HNRNPLL: variants seen among roughly 807,000 people sequenced by gnomAD.
HNRNPLL encodes heterogeneous nuclear ribonucleoprotein L like.
A neutral mutation model predicts 67.1 loss-of-function variants in HNRNPLL; 25 were observed. The observed-to-expected ratio is 0.37, with a 90% CI of 0.27 to 0.52. The LOEUF is 0.52. Among genes scored for constraint, HNRNPLL ranks in the 20% least tolerant of loss-of-function variants. The probability of loss-of-function intolerance (pLI) is 0.90; values close to 1 mark genes in which losing one functional copy is unlikely to be tolerated. For missense variants in HNRNPLL, 542 were observed against 673.9 expected (o/e 0.80, Z 2.17); for synonymous variants, 267 against 241.7 (o/e 1.10, Z -0.97).
chr2:38,583,810 A>G (rs1313703469), intron 4 of HNRNPLL, 31 bp downstream of exon 4: 1 of 1,009,528 alleles, frequency 9.9e-7, no homozygotes, highest in Non-Finnish European at 1.5e-6. Context: ...TATGAATTAC[A>G]CATCAATAAA....
rs751836899 is a variant in HNRNPLL, at chr2:38,585,829, T to C, written c.361A>G (p.Ile121Val). 2.5e-6 allele frequency: 4 copies of C among 1,614,014 alleles called. No individual in the cohort carries two copies. Among genetic ancestry groups the C allele is most frequent in the Non-Finnish European group, 3.4e-6 (4 of 1,179,900 alleles). ...KRQALVEFEN[I>V]DSAKECVTFA... ...GTCACACATTCTTTGGCACTATCTA[T>C]GTTTTCAAATTCCACTAGAGCCTGT... The change falls in exon 3 of 13, where the codon ATA (isoleucine) becomes GTA (valine). Residue 121 changes from isoleucine (I) to valine (V), a missense_variant. Coordinates refer to ENST00000449105, the MANE Select transcript of HNRNPLL (RefSeq NM_138394.4).
Position 38,602,575 on chromosome 2 carries a change from A to G in HNRNPLL, c.52T>C (p.Tyr18His). ...TTGAGACGCTTGGCCTGGCTCTCGTACTCCCGGTCCTCCTCGTACGTCTCC... is the reference window on the plus strand; with the variant it reads ...TTGAGACGCTTGGCCTGGCTCTCGTGCTCCCGGTCCTCCTCGTACGTCTCC... Reference protein sequence around the residue: ...PRETYEEDREYESQAKRLKTE... With the variant: ...PRETYEEDREHESQAKRLKTE... The change falls in exon 1 of 13, where the codon TAC becomes CAC. Residue 18 changes from tyrosine (Y) to histidine (H), a missense_variant. Coordinates refer to ENST00000449105, the MANE Select transcript of HNRNPLL (RefSeq NM_138394.4). 1 of 1,571,564 alleles carries G rather than the reference A, an allele frequency of 6.4e-7. No homozygotes were observed.
At chr2:38,581,377 G>C (rs1666524916) in intron 6 of HNRNPLL, 1 of 155,766 alleles carries the variant, frequency 6.4e-6, no homozygotes, top group Non-Finnish European at 1.4e-5. Context: ...CTGAAGTACT[G>C]TTAAGTGTCC....
In HNRNPLL at chr2:38,572,729, G is replaced by A. The variant is rs138388944; in HGVS notation, c.1092+481C>T. Among the ~76,000 whole-genome samples, 59 of 152,176 alleles carry A rather than the reference G, an allele frequency of 3.9e-4. No homozygotes were observed. The East Asian group carries it at 6.8e-3, about 17-fold the overall frequency. On this transcript the variant is annotated intron_variant, in intron 8 of 12. Coordinates refer to ENST00000449105, the MANE Select transcript of HNRNPLL (RefSeq NM_138394.4). ...TGGGTCAGTTTCAAATACTGGTTGA[G>A]CTAAATGCACATGGTTCCTCCGAAG...
intron 6 of HNRNPLL, 116 bp from the exon 7 acceptor site, chr2:38,577,648 G>A: frequency 5.9e-6 from 4 of 674,934 alleles, no homozygotes; most frequent in East Asian, 5.2e-5. Flanking sequence ...AAAGAAATAC[G>A]ATTCCTGGTT....
chr2:38,562,470 A>AT lies in HNRNPLL; in HGVS notation c.*1711dup, dbSNP rs1271152112. ...TCTGTAATTCTGACAACCCACATTA[A>AT]TTTTCAGAGGAGGAAGGAACGTAGA... On this transcript the variant is annotated 3_prime_UTR_variant, in exon 13 of 13. Transcript: ENST00000449105. 2 of 152,162 alleles carry AT rather than the reference A, an allele frequency of 1.3e-5. No individual in the cohort carries two copies. Among genetic ancestry groups the AT allele is most frequent in the African/African-American group, 4.8e-5 (2 of 41,454 alleles). The allele number at this position is 152,162 out of a possible 1,614,324, so 9.4% of individuals were successfully genotyped here.
chr2:38,572,917 C>A (rs1363982576), intron 8 of HNRNPLL, among the ~76,000 whole-genome samples: 1 of 152,018 alleles, frequency 6.6e-6, no homozygotes, highest in African/African-American at 2.4e-5. Context: ...GAAATGAGAT[C>A]ACCAAAATAT....
intron 6 of HNRNPLL, among the ~76,000 whole-genome samples, chr2:38,579,613 C>G (rs1192733909): frequency 6.6e-6 from 1 of 151,902 alleles, no homozygotes; most frequent in Non-Finnish European, 1.5e-5. Context: ...ATGCACCTAT[C>G]TACTACAGGT....
chr2:38,572,354 G>A (rs547581208), intron 8 of HNRNPLL, among the ~76,000 whole-genome samples: 1 of 152,164 alleles, frequency 6.6e-6, no homozygotes, highest in African/African-American at 2.4e-5. Flanking sequence ...AACTTTTCAA[G>A]CCATGTTCCC....
intron 2 of HNRNPLL, 56 bp downstream of exon 2, chr2:38,591,474 A>G (rs1226578124): frequency 2.2e-6 from 2 of 921,572 alleles, no homozygotes; most frequent in Non-Finnish European, 3.6e-6. Flanking sequence ...GTAACAAGCA[A>G]GCAAGGATTA....
In HNRNPLL at chr2:38,569,139, G is replaced by A; in HGVS notation, c.1410C>T (p.Phe470=). The change falls in exon 10 of 13, where the codon TTC becomes TTT. Residue 470 remains phenylalanine (F), a synonymous_variant. Transcript: ENST00000449105. ...TTTGTATTTCAGTGCCTACCTTTGT[G>A]AAGGTCTCTTCTGTGACACACAATG... The part of the protein sequence containing the change: ...NVPLCVTEET[F]TKLCNDHEVL... 6.3e-7 allele frequency: 1 copy of A among 1,598,718 alleles called. No individual in the cohort carries two copies. The highest frequency in any genetic ancestry group is 8.6e-7 in the Non-Finnish European group (1 of 1,166,018).
chr2:38,569,376 G>T, intron 9 of HNRNPLL, 42 bp from the exon 10 acceptor site: 1 of 1,429,526 alleles, frequency 7.0e-7, no homozygotes, highest in Non-Finnish European at 9.8e-7. Context: ...TACTTTGTTA[G>T]ATAAAAAGCA....
At chr2:38,574,294 C>T (rs1666212018) in intron 7 of HNRNPLL, among the ~76,000 whole-genome samples, 1 of 151,728 alleles carries the variant, frequency 6.6e-6, no homozygotes, top group African/African-American at 2.4e-5. Flanking sequence ...GCACATTTTA[C>T]AGCAATAAGA....
Position 38,568,178 on chromosome 2 carries a change from C to T in HNRNPLL, c.1573+21G>A, listed in dbSNP as rs764644256. 26 of 1,485,270 alleles carry T rather than the reference C, an allele frequency of 1.8e-5. No homozygotes were observed. The South Asian group carries it at 2.8e-4, about 16-fold the overall frequency. The allele number at this position is 1,485,270 out of a possible 1,614,324, so 92.0% of individuals were successfully genotyped here. A position where few individuals can be genotyped will look rare whatever the true frequency, so the allele number is the denominator to read the frequency against. On this transcript the variant is annotated intron_variant, in intron 12 of 12. Coordinates refer to ENST00000449105, the MANE Select transcript of HNRNPLL (RefSeq NM_138394.4). ...TAACTGCCACTACATAATTACAACA[C>T]AAATAAAGCATTTTACTTACTCGGC...
At position 38,602,526 on chromosome 2, in the gene HNRNPLL, T is replaced by C. The variant is rs1667487605; in HGVS notation, c.101A>G (p.Tyr34Cys). 6.4e-7 allele frequency: 1 copy of C among 1,554,310 alleles called. No homozygotes were observed. The part of the protein sequence containing the change: ...RLKTEEGEID[Y>C]SAEEGENRRE... ...GCGGTTCTCGCCTTCCTCGGCCGAG[T>C]AGTCGATCTCCCCCTCCTCGGTCTT... The change falls in exon 1 of 13, where the codon TAC (tyrosine) becomes TGC (cysteine). Residue 34 changes from tyrosine (Y) to cysteine (C), a missense_variant. This residue lies in a region of HNRNPLL where 127 missense variants were observed against 98.7 expected (regional missense o/e 1.29). Transcript: ENST00000449105.
At chr2:38,589,128 A>G (rs922171667) in intron 2 of HNRNPLL, among the ~76,000 whole-genome samples, 4 of 152,340 alleles carry the variant, frequency 2.6e-5, no homozygotes, top group African/African-American at 4.8e-5. Flanking sequence ...AAATACTCTT[A>G]TACTCTTGAT....
rs1199451329 is a variant in HNRNPLL, at chr2:38,595,801, G to A, written c.190-4153C>T. On this transcript the variant is annotated intron_variant, in intron 1 of 12. Coordinates refer to ENST00000449105, the MANE Select transcript of HNRNPLL (RefSeq NM_138394.4). ...AGAGCTTGCAGTGAGCTGAGATCGC[G>A]CCACTGCACTCCAGCCTGGGCGACA... 4.6e-5 allele frequency among the ~76,000 whole-genome samples: 7 copies of A among 151,948 alleles called. No homozygotes were observed. In the East Asian group the frequency reaches 5.8e-4, roughly 13 times the overall value.
At chr2:38,589,698 T>C (rs1323796392) in intron 2 of HNRNPLL, among the ~76,000 whole-genome samples, 1 of 152,188 alleles carries the variant, frequency 6.6e-6, no homozygotes, top group Non-Finnish European at 1.5e-5. Flanking sequence ...GTAATTCAAA[T>C]TACTAACTTA....
chr2:38,588,682 A>T (rs1246207608), intron 2 of HNRNPLL, among the ~76,000 whole-genome samples: 1 of 152,138 alleles, frequency 6.6e-6, no homozygotes, highest in Non-Finnish European at 1.5e-5. Context: ...TATTCAATAT[A>T]AAAAAACTAA....
Sources: gnomAD v4.1 joint callset for allele counts (sites outside exome capture counted in the v4.1 genomes callset) on GRCh38, gnomAD v4.1.1 for gene constraint, gnomAD v4.1.1 regional missense constraint, MANE v1.5 for transcripts, NCBI Gene and HGNC (gene_info 2026-07-23, HGNC 2026-07-21) for gene names.